The following LARGE1 variants were observed in gnomAD, a reference collection of about 807,000 sequenced individuals.
LARGE1 encodes the protein LARGE xylosyl- and glucuronyltransferase 1, also known as xylosyl- and glucuronyltransferase LARGE1.
A neutral mutation model predicts 87.6 loss-of-function variants in LARGE1; 43 were observed. The ratio of observed to expected loss-of-function variants is 0.49; its 90% CI spans 0.38 to 0.63. The LOEUF is 0.63. Among genes scored for constraint, LARGE1 ranks in the 30% least tolerant of loss-of-function variants. The pLI, the probability that LARGE1 is intolerant of heterozygous loss-of-function variation, is 0.00. For synonymous variants in LARGE1, 434 were observed against 394.6 expected, an observed-to-expected ratio of 1.10 and a Z score of -1.18; for missense variants, 802 against 1,000.2, an observed-to-expected ratio of 0.80 and a Z score of 2.67.
At chr22:33,185,509 T>G (rs1366774709) in intron 11 of LARGE1, among the ~76,000 whole-genome samples, 1 of 152,184 alleles carries the variant, frequency 6.6e-6, no homozygotes, top group Non-Finnish European at 1.5e-5. Context: ...TAGAAACCCG[T>G]AGAATATTTA....
At chr22:33,107,912 AT>A in the LARGE1 span, among the ~76,000 whole-genome samples, 41 of 150,174 alleles carry the variant, frequency 2.7e-4, no homozygotes, top group Middle Eastern at 0.014. Context: ...TCTCATTGGG[AT>A]TTTTTTTTTG....
chr22:33,706,640 C>A (rs1249412442), intron 2 of LARGE1, among the ~76,000 whole-genome samples: 1 of 152,216 alleles, frequency 6.6e-6, no homozygotes, highest in Non-Finnish European at 1.5e-5. Context: ...TCAACTAAAT[C>A]GCTTTAAAGA....
chr22:33,514,922 A>G (rs140219122), intron 6 of LARGE1, among the ~76,000 whole-genome samples: 1 of 152,186 alleles, frequency 6.6e-6, no homozygotes, highest in Non-Finnish European at 1.5e-5. Flanking sequence ...ATGAACACAC[A>G]GCACTGTGTG....
In LARGE1 at chr22:33,722,327, G is replaced by C. The variant is rs1379337071; in HGVS notation, c.106+39044C>G. On this transcript the variant is annotated intron_variant, in intron 2 of 14. Transcript: ENST00000397394. ...AGAGGGAGAGGAGGGAGAGGGAGAG[G>C]AGGGAGAGGGAGAGGAGAGGAGGGA... Among the ~76,000 whole-genome samples, 4 of 139,654 alleles carry C rather than the reference G, an allele frequency of 2.9e-5. No individual in the cohort carries two copies. In the South Asian group the frequency reaches 1.0e-3, roughly 35 times the overall value. The allele number at this position is 139,654 out of a possible 152,430, so 91.6% of individuals were successfully genotyped here. A position where few individuals can be genotyped will look rare whatever the true frequency, so the allele number is the denominator to read the frequency against.
the LARGE1 span, among the ~76,000 whole-genome samples, chr22:33,096,557 TTTGTTTTTG>T: frequency 5.5e-5 from 5 of 91,676 alleles, no homozygotes; most frequent in South Asian, 4.2e-4. Context: ...TTTGTTTGTT[TTTGTTTTTG>T]TTTTTTTTTT....
chr22:33,851,690 C>G (rs1415681882), intron 1 of LARGE1, among the ~76,000 whole-genome samples: 1 of 152,214 alleles, frequency 6.6e-6, no homozygotes, highest in Non-Finnish European at 1.5e-5. Context: ...AAGAGGATGT[C>G]AGGAGGAGCT....
At chr22:33,649,317 C>T (rs2080719186) in intron 3 of LARGE1, among the ~76,000 whole-genome samples, 1 of 152,158 alleles carries the variant, frequency 6.6e-6, no homozygotes, top group South Asian at 2.1e-4. Context: ...CTAATAATCC[C>T]ATTCACTAGA....
At chr22:33,865,832 C>CTTTTTTTTTTTTTTTTTTT (rs3072359) in intron 1 of LARGE1, among the ~76,000 whole-genome samples, 1 of 28,366 alleles carries the variant, frequency 3.5e-5, no homozygotes, top group African/African-American at 1.1e-4. Flanking sequence ...AGCTGTTATT[C>CTTTTTTTTTTTTTTTTTTT]TTTTTTTTTT....
chr22:33,257,478 AG>A (rs1326408491), intron 11 of LARGE1, among the ~76,000 whole-genome samples: 2 of 148,562 alleles, frequency 1.3e-5, no homozygotes, highest in Admixed American at 1.3e-4. Context: ...AAAAAAAGGC[AG>A]GGGGGTGGGA....
intron 1 of LARGE1, among the ~76,000 whole-genome samples, chr22:33,863,381 G>A (rs2063989038): frequency 6.6e-6 from 1 of 152,270 alleles, no homozygotes; most frequent in Non-Finnish European, 1.5e-5. Flanking sequence ...GCCTCACGAT[G>A]GGGCCAGGGG....
intron 11 of LARGE1, among the ~76,000 whole-genome samples, chr22:33,178,837 T>C (rs1244468190): frequency 6.6e-6 from 1 of 152,226 alleles, no homozygotes; most frequent in Non-Finnish European, 1.5e-5. Flanking sequence ...AGAATTATGA[T>C]AAAATGTATA....
chr22:33,111,319 A>C, the LARGE1 span, among the ~76,000 whole-genome samples: 1 of 151,900 alleles, frequency 6.6e-6, no homozygotes, highest in Admixed American at 6.6e-5. Flanking sequence ...TGAGACTCTG[A>C]CTCCGTAGGA....
the LARGE1 span, among the ~76,000 whole-genome samples, chr22:33,083,263 G>T: frequency 6.6e-6 from 1 of 152,148 alleles, no homozygotes; most frequent in East Asian, 1.9e-4. Flanking sequence ...ATGCTAGGCT[G>T]CCATAATTTT....
intron 12 of LARGE1, among the ~76,000 whole-genome samples, chr22:33,286,679 G>C (rs1356030457): frequency 2.0e-5 from 3 of 149,758 alleles, no homozygotes; most frequent in African/African-American, 7.7e-5. Flanking sequence ...AAACAGAATA[G>C]AAGGCTGCGA....
chr22:33,251,168 A>G (rs16992008), intron 11 of LARGE1, among the ~76,000 whole-genome samples: 4,920 of 152,258 alleles, frequency 0.032, 270 homozygotes, highest in African/African-American at 0.11. Flanking sequence ...CTTATTTGAT[A>G]TCCTAGAGCC....
intron 6 of LARGE1, among the ~76,000 whole-genome samples, chr22:33,469,244 CA>C (rs2068733753): frequency 6.6e-6 from 1 of 152,136 alleles, no homozygotes; most frequent in African/African-American, 2.4e-5. Context: ...AGGTTCACTG[CA>C]GCACTATTCA....
chr22:33,722,510 T>G (rs1423675782), intron 2 of LARGE1, among the ~76,000 whole-genome samples: 1 of 152,166 alleles, frequency 6.6e-6, no homozygotes, highest in Non-Finnish European at 1.5e-5. Context: ...GTAAAAGTCC[T>G]TCAAGTGAAT....
intron 2 of LARGE1, among the ~76,000 whole-genome samples, chr22:33,737,395 A>G (rs2083693629): frequency 6.6e-6 from 1 of 152,200 alleles, no homozygotes; most frequent in South Asian, 2.1e-4. Flanking sequence ...TTGTGGAAGT[A>G]ACACACGCTA....
intron 6 of LARGE1, among the ~76,000 whole-genome samples, chr22:33,507,997 C>A (rs1184799177): frequency 1.3e-5 from 2 of 152,140 alleles, no homozygotes; most frequent in African/African-American, 2.4e-5. Flanking sequence ...TAATTTTATA[C>A]CTTTGGGTTG....
Sources: gnomAD v4.1 joint callset for allele counts (sites outside exome capture counted in the v4.1 genomes callset) on GRCh38, gnomAD v4.1.1 for gene constraint, MANE v1.5 for transcripts, NCBI Gene and HGNC (gene_info 2026-07-23, HGNC 2026-07-21) for gene names.